Variants in DNAJC10 observed in about 807,000 individuals in gnomAD.
DNAJC10 encodes the protein endoplasmic reticulum disulfide reductase DNAJC10.
In DNAJC10, 101 loss-of-function variants were observed where a neutral mutation model predicts 115.0. That is an observed-to-expected ratio of 0.88 (90% CI 0.75 to 1.04). DNAJC10 has a LOEUF of 1.04. Ranked by LOEUF, DNAJC10 falls within the 50% of genes least tolerant of loss-of-function variation. The probability of loss-of-function intolerance (pLI) is 0.00; values close to 1 mark genes in which losing one functional copy is unlikely to be tolerated. For synonymous variants in DNAJC10, 307 were observed against 301.5 expected, an observed-to-expected ratio of 1.02 and a Z score of -0.19; for missense variants, 981 against 928.8, an observed-to-expected ratio of 1.06 and a Z score of -0.73.
chr2:182,770,188 AC>A (rs1694524027), intron 22 of DNAJC10, among the ~76,000 whole-genome samples: 1 of 152,160 alleles, frequency 6.6e-6, no homozygotes, highest in Non-Finnish European at 1.5e-5. Flanking sequence ...CTGTTTTGGT[AC>A]CAGTACCATG....
chr2:182,722,122 C>G (rs761116816), intron 5 of DNAJC10, 47 bp downstream of exon 5: 1 of 1,343,808 alleles, frequency 7.4e-7, no homozygotes, highest in Non-Finnish European at 1.0e-6. Context: ...CAAGTTCGAT[C>G]TCATCTAAAA....
At chr2:182,734,969 A>G (rs563274081) in intron 10 of DNAJC10, among the ~76,000 whole-genome samples, 5 of 151,412 alleles carry the variant, frequency 3.3e-5, no homozygotes, top group African/African-American at 9.7e-5. Flanking sequence ...TCAGCATGTA[A>G]TTAGGTTTTG....
At chr2:182,763,897 C>T (rs1027078038) in intron 22 of DNAJC10, among the ~76,000 whole-genome samples, 5 of 152,118 alleles carry the variant, frequency 3.3e-5, no homozygotes, top group African/African-American at 9.7e-5. Flanking sequence ...ATAAGTACAA[C>T]GGCCATCACC....
rs1484703105 is a variant in DNAJC10 at position 182,730,038 on chromosome 2, A to C, written c.727+97A>C. On this transcript the variant is annotated intron_variant, in intron 8 of 23. Coordinates refer to ENST00000264065, the MANE Select transcript of DNAJC10 (RefSeq NM_018981.4). ...ATTAACATTTTGGTCATGGTATTGA[A>C]ATTTTAAAGTGTCTTTTCCATGTTT... The C allele has an allele frequency of 4.0e-5, 29 of 729,566 alleles. 1 individual carries two copies. 45.2% of individuals were successfully genotyped at this position (729,566 alleles called of 1,614,324 possible).
chr2:182,732,480 A>G lies in DNAJC10; in HGVS notation c.806-19A>G. The G allele has an allele frequency of 6.2e-7, 1 of 1,613,262 alleles. No individual in the cohort carries two copies. The highest frequency in any genetic ancestry group is 8.5e-7 in the Non-Finnish European group (1 of 1,179,322). The stretch of plus-strand genomic sequence containing the variant: ...CTTAATAAAGGTAAAACTGCCTCAT[A>G]AGGTTTTTTTGTCCCCAGATTGTTT... On this transcript the variant is annotated intron_variant, in intron 9 of 23. Transcript: ENST00000264065.
intron 22 of DNAJC10, among the ~76,000 whole-genome samples, chr2:182,770,351 G>A (rs1694528176): frequency 6.6e-6 from 1 of 152,170 alleles, no homozygotes; most frequent in South Asian, 2.1e-4. Flanking sequence ...ATTCTGTAAG[G>A]AAAGTCATTG....
intron 21 of DNAJC10, 123 bp downstream of exon 21, chr2:182,759,430 C>A: frequency 1.1e-6 from 1 of 912,952 alleles, no homozygotes; most frequent in Non-Finnish European, 1.6e-6. Context: ...TTAAAAATAG[C>A]TATTATATTT....
chr2:182,720,542 A>G lies in DNAJC10; in HGVS notation c.367+373A>G, dbSNP rs192901167. On this transcript the variant is annotated intron_variant, in intron 4 of 23. Coordinates refer to ENST00000264065, the MANE Select transcript of DNAJC10 (RefSeq NM_018981.4). ...TCTATATTTAAATACAAAGATACTT[A>G]GCATTGTGTTACAGTTGCCTATGGT... Among the ~76,000 whole-genome samples, 5 of 152,300 alleles carry G rather than the reference A, an allele frequency of 3.3e-5. No homozygotes were observed. In the East Asian group the frequency reaches 9.6e-4, roughly 29 times the overall value.
At chr2:182,775,095 T>C (rs1178060057) in intron 22 of DNAJC10, among the ~76,000 whole-genome samples, 2 of 151,694 alleles carry the variant, frequency 1.3e-5, no homozygotes, top group African/African-American at 4.8e-5. Flanking sequence ...TTTTTAACAA[T>C]TGTTTCATGT....
intron 8 of DNAJC10, among the ~76,000 whole-genome samples, chr2:182,730,299 A>G (rs778769043): frequency 5.9e-5 from 9 of 152,206 alleles, no homozygotes; most frequent in Non-Finnish European, 1.0e-4. Context: ...TTAAAGTTTA[A>G]AAATGCTTCT....
intron 14 of DNAJC10, among the ~76,000 whole-genome samples, chr2:182,750,601 T>A (rs528654962): frequency 6.6e-6 from 1 of 151,954 alleles, no homozygotes; most frequent in South Asian, 2.1e-4. Context: ...CATCAGAGAG[T>A]GTACTTAAAA....
chr2:182,721,838 G>C (rs1169392203), intron 4 of DNAJC10, among the ~76,000 whole-genome samples, 187 bp from the exon 5 acceptor site: 1 of 151,956 alleles, frequency 6.6e-6, no homozygotes, highest in Non-Finnish European at 1.5e-5. Context: ...AATATCTTTA[G>C]ATCACCCTAA....
intron 5 of DNAJC10, among the ~76,000 whole-genome samples, chr2:182,724,846 A>G (rs1693242363): frequency 6.6e-6 from 1 of 152,188 alleles, no homozygotes; most frequent in South Asian, 2.1e-4. Context: ...TATTCTTATT[A>G]CTCAGCAATC....
At chr2:182,717,443 A>G (rs17356755) in intron 2 of DNAJC10, among the ~76,000 whole-genome samples, 9,479 of 151,894 alleles carry the variant, frequency 0.062, 374 homozygotes, top group Middle Eastern at 0.12. Flanking sequence ...TATTATAACA[A>G]TATATTTCAC....
intron 21 of DNAJC10, among the ~76,000 whole-genome samples, chr2:182,760,231 C>G (rs958725541): frequency 1.3e-5 from 2 of 152,250 alleles, no homozygotes; most frequent in African/African-American, 4.8e-5. Flanking sequence ...CCTCTTACTG[C>G]AAAACTCAGC....
chr2:182,736,063 ATAT>A (rs1693576363), intron 10 of DNAJC10, among the ~76,000 whole-genome samples, 183 bp from the exon 11 acceptor site: 1 of 120,338 alleles, frequency 8.3e-6, no homozygotes, highest in African/African-American at 3.5e-5. Context: ...TTTGCACTTA[ATAT>A]TTCTAAATTT....
chr2:182,734,323 C>A (rs1559003635), intron 10 of DNAJC10, among the ~76,000 whole-genome samples: 1 of 150,908 alleles, frequency 6.6e-6, no homozygotes, highest in Non-Finnish European at 1.5e-5. Flanking sequence ...ATTTTTTAAT[C>A]TTGATTTTTA....
chr2:182,756,312 A>G lies in DNAJC10; in HGVS notation c.1654-2A>G. The G allele has an allele frequency of 6.2e-7, 1 of 1,609,688 alleles. No homozygotes were observed. The highest frequency in any genetic ancestry group is 8.5e-7 in the Non-Finnish European group (1 of 1,178,002). ...TTATAATGGAAGCTATATTCTCTTC[A>G]GGATCTTATGAATCCTTCAGTGGTC... On this transcript the variant is annotated splice_acceptor_variant, in intron 17 of 23. Coordinates refer to ENST00000264065, the MANE Select transcript of DNAJC10 (RefSeq NM_018981.4). LOFTEE classifies it high-confidence loss of function.
At chr2:182,725,607 T>C (rs1693263343) in intron 5 of DNAJC10, among the ~76,000 whole-genome samples, 1 of 152,162 alleles carries the variant, frequency 6.6e-6, no homozygotes, top group African/African-American at 2.4e-5. Context: ...AGAAAGACCC[T>C]AATTCTTTTC....
Sources: allele counts gnomAD v4.1 joint callset (sites outside exome capture counted in the v4.1 genomes callset), GRCh38; gene constraint gnomAD v4.1.1; transcripts MANE v1.5; gene names NCBI Gene and HGNC (gene_info 2026-07-23, HGNC 2026-07-21).